KIRREL3: variants seen among roughly 807,000 people sequenced by gnomAD.
KIRREL3 encodes the protein kin of IRRE-like protein 3.
In KIRREL3, 36 loss-of-function variants were observed where a neutral mutation model predicts 89.7. The ratio of observed to expected loss-of-function variants is 0.40; its 90% CI spans 0.31 to 0.53. The LOEUF (loss-of-function observed/expected upper bound fraction) is 0.53, where lower values mean the gene tolerates loss of function less well. KIRREL3 is among the 20% of genes least tolerant of loss of function. The pLI, the probability that KIRREL3 is intolerant of heterozygous loss-of-function variation, is 0.49. For missense variants in KIRREL3, 864 were observed against 1,056.6 expected, an observed-to-expected ratio of 0.82 and a Z score of 2.53; for synonymous variants, 445 against 441.4, an observed-to-expected ratio of 1.01 and a Z score of -0.10.
chr11:126,936,317 T>A (rs1368224507), intron 1 of KIRREL3: 1 of 152,206 alleles, frequency 6.6e-6, no homozygotes, highest in African/African-American at 2.4e-5. Context: ...TTACAGCCAC[T>A]TTGGAAAATA....
intron 2 of KIRREL3, among the ~76,000 whole-genome samples, chr11:126,532,795 G>A (rs1451184981): frequency 2.0e-5 from 3 of 152,080 alleles, no homozygotes; most frequent in Non-Finnish European, 4.4e-5. Context: ...AAACGGTTGA[G>A]GGTAAAGTTT....
rs556483272 is a variant in KIRREL3 at position 126,996,370 on chromosome 11, T to C, written c.55+4085A>G. Among the ~76,000 whole-genome samples, 1 of 152,300 alleles carries C rather than the reference T, an allele frequency of 6.6e-6. No homozygotes were observed. The highest frequency in any genetic ancestry group is 2.4e-5 in the African/African-American group (1 of 41,564). ...CCAAAGTTGCTGTTCACTCCCCACT[T>C]TGTTTGCTGATTCCTTCTCTGCCTG... On this transcript the variant is annotated intron_variant, in intron 1 of 16. Transcript: ENST00000525144. This position sits in a 1 kb window ranked among gnomAD's most constrained non-coding sequence, Gnocchi z 4.7.
At chr11:126,633,332 T>C (rs1944126592) in intron 1 of KIRREL3, among the ~76,000 whole-genome samples, 1 of 152,012 alleles carries the variant, frequency 6.6e-6, no homozygotes, top group Admixed American at 6.6e-5. Context: ...TGCACACCTA[T>C]CTCATTTTTA....
At chr11:126,543,381 G>A (rs556131085) in intron 2 of KIRREL3, among the ~76,000 whole-genome samples, 159 of 152,128 alleles carry the variant, frequency 1.0e-3, no homozygotes, top group Admixed American at 2.1e-3. Flanking sequence ...GTGTAGCCCT[G>A]GCTCATATCC....
Position 126,969,075 on chromosome 11 carries a change from T to A in KIRREL3, c.55+31380A>T, listed in dbSNP as rs1038353704. Reference sequence around the variant, plus strand: ...ACACTTCAGGCGGGGGCGTCTGAGGTTCGCGTGTGAGGGAATCAGGTGCAT... The same window carrying A: ...ACACTTCAGGCGGGGGCGTCTGAGGATCGCGTGTGAGGGAATCAGGTGCAT... On this transcript the variant is annotated intron_variant, in intron 1 of 16. Coordinates refer to ENST00000525144, the MANE Select transcript of KIRREL3 (RefSeq NM_032531.4). This position sits in a 1 kb window ranked among gnomAD's most constrained non-coding sequence, Gnocchi z 4.9. Among the ~76,000 whole-genome samples the A allele has an allele frequency of 2.0e-5, 3 of 152,008 alleles. No homozygotes were observed. The highest frequency in any genetic ancestry group is 2.9e-5 in the Non-Finnish European group (2 of 67,988).
chr11:126,437,107 C>T, intron 11 of KIRREL3, 98 bp from the exon 12 acceptor site: 1 of 1,117,490 alleles, frequency 8.9e-7, no homozygotes, highest in Non-Finnish European at 1.2e-6. Flanking sequence ...CATGTTCATG[C>T]TCACTGCCAC....
intron 1 of KIRREL3, among the ~76,000 whole-genome samples, chr11:126,711,949 C>T (rs906102195): frequency 6.6e-6 from 1 of 152,190 alleles, no homozygotes; most frequent in African/African-American, 2.4e-5. Flanking sequence ...GCCGACACTC[C>T]ATTGGAAACG....
chr11:126,790,152 C>T (rs907676432), intron 1 of KIRREL3, among the ~76,000 whole-genome samples: 1 of 152,222 alleles, frequency 6.6e-6, no homozygotes, highest in African/African-American at 2.4e-5. Flanking sequence ...GAGTGGTCCT[C>T]CCATGACCTA....
chr11:126,941,646 T>G (rs1288345167), intron 1 of KIRREL3, among the ~76,000 whole-genome samples: 1 of 152,110 alleles, frequency 6.6e-6, no homozygotes, highest in Non-Finnish European at 1.5e-5. Context: ...CCTTTCTTAG[T>G]CTTCTGATTC....
At chr11:126,447,700 G>A (rs1182261827) in intron 8 of KIRREL3, among the ~76,000 whole-genome samples, 2 of 152,172 alleles carry the variant, frequency 1.3e-5, no homozygotes, top group Admixed American at 1.3e-4. Flanking sequence ...CAGGCTCAGG[G>A]TCCGACCGTG....
chr11:126,646,838 C>T (rs1454552671), intron 1 of KIRREL3, among the ~76,000 whole-genome samples: 2 of 152,058 alleles, frequency 1.3e-5, no homozygotes, highest in Non-Finnish European at 2.9e-5. Context: ...CAATTCTTTG[C>T]CAACAAAACC....
In KIRREL3 at chr11:126,689,819, C is replaced by A. The variant is rs1946811057; in HGVS notation, c.56-126907G>T. On this transcript the variant is annotated intron_variant, in intron 1 of 16. Transcript: ENST00000525144. This position sits in a 1 kb window ranked among gnomAD's most constrained non-coding sequence, Gnocchi z 5.2. ...AATCTGCTAGTCAGATTTCACATGG[C>A]TGCACAGAGAATCGGTGCCCTTGGC... Among the ~76,000 whole-genome samples, 1 of 152,218 alleles carries A rather than the reference C, an allele frequency of 6.6e-6. No individual in the cohort carries two copies. Among genetic ancestry groups the A allele is most frequent in the South Asian group, 2.1e-4 (1 of 4,834 alleles).
chr11:126,855,872 G>C (rs531682898), intron 1 of KIRREL3, among the ~76,000 whole-genome samples: 1 of 152,204 alleles, frequency 6.6e-6, no homozygotes, highest in East Asian at 1.9e-4. Flanking sequence ...CTCTGGACCT[G>C]GTCTAGGCTG....
chr11:126,600,643 A>G (rs1384923180), intron 1 of KIRREL3, among the ~76,000 whole-genome samples: 2 of 152,196 alleles, frequency 1.3e-5, no homozygotes, highest in East Asian at 3.8e-4. Flanking sequence ...TACTCCAAAC[A>G]TACATGATCA....
intron 1 of KIRREL3, among the ~76,000 whole-genome samples, chr11:126,760,063 T>C (rs1023774584): frequency 6.6e-6 from 1 of 152,214 alleles, no homozygotes; most frequent in African/African-American, 2.4e-5. Flanking sequence ...TTTCTTCTTA[T>C]CCCCACTGGC....
rs1184156821 is a variant in KIRREL3, at chr11:126,797,612, G to A, written c.55+202843C>T. Among the ~76,000 whole-genome samples the A allele has an allele frequency of 2.0e-5, 3 of 152,088 alleles. No individual in the cohort carries two copies. The highest frequency in any genetic ancestry group is 4.8e-5 in the African/African-American group (2 of 41,406). On this transcript the variant is annotated intron_variant, in intron 1 of 16. Transcript: ENST00000525144. This position sits in a 1 kb window ranked among gnomAD's most constrained non-coding sequence, Gnocchi z 4.9. Reference sequence around the variant, plus strand: ...TCTACTCCACAGCCTGTGACAGCTGGGGCTGTGTGATGGGGCTTCTGATGG... The same window carrying A: ...TCTACTCCACAGCCTGTGACAGCTGAGGCTGTGTGATGGGGCTTCTGATGG...
chr11:126,887,434 G>A (rs1032869476), intron 1 of KIRREL3, among the ~76,000 whole-genome samples: 15 of 152,084 alleles, frequency 9.9e-5, no homozygotes, highest in African/African-American at 2.7e-4. Context: ...AATTCTCCCC[G>A]CTGCCCAAAT....
intron 1 of KIRREL3, chr11:126,681,706 T>C (rs1013829198): frequency 1.1e-5 from 4 of 350,888 alleles, no homozygotes; most frequent in Non-Finnish European, 2.3e-5. Flanking sequence ...GCCTCGTGTA[T>C]AGTAGGTGAT....
intron 1 of KIRREL3, among the ~76,000 whole-genome samples, chr11:126,726,841 T>C (rs1948404604): frequency 1.3e-5 from 2 of 152,204 alleles, no homozygotes; most frequent in African/African-American, 4.8e-5. Context: ...TGCCATTCCT[T>C]GTGCTATTGT....
Sources: allele counts gnomAD v4.1 joint callset (sites outside exome capture counted in the v4.1 genomes callset), GRCh38; gene constraint gnomAD v4.1.1; non-coding constraint Gnocchi (gnomAD v3.1); transcripts MANE v1.5; gene names NCBI Gene and HGNC (gene_info 2026-07-23, HGNC 2026-07-21).